Variants in ZNF804A observed in about 807,000 individuals in gnomAD.
ZNF804A encodes zinc finger protein 804A.
In ZNF804A, 2 loss-of-function variants were observed where a neutral mutation model predicts 16.5. The ratio of observed to expected loss-of-function variants is 0.12; its 90% confidence interval spans 0.05 to 0.38. ZNF804A has a LOEUF of 0.38. ZNF804A is among the 10% of genes least tolerant of loss of function. ZNF804A has a pLI of 0.99. For missense variants in ZNF804A, 1,473 were observed against 1,390.7 expected, an observed-to-expected ratio of 1.06 and a Z score of -0.94; for synonymous variants, 534 against 489.6, an observed-to-expected ratio of 1.09 and a Z score of -1.20.
In ZNF804A at chr2:184,603,790, T is replaced by C. The variant is rs148145629; in HGVS notation, c.111+4720T>C. On this transcript the variant is annotated intron_variant, in intron 1 of 3. Coordinates refer to ENST00000302277, the MANE Select transcript of ZNF804A (RefSeq NM_194250.2). ...CAATTATATATTCTTCCAAATTTCATTTAAACTCTTATATATTCAATATTA... is the reference window on the plus strand; with the variant it reads ...CAATTATATATTCTTCCAAATTTCACTTAAACTCTTATATATTCAATATTA... 3.8e-3 allele frequency among the ~76,000 whole-genome samples: 580 copies of C among 152,318 alleles called. 3 individuals carry two copies. Among genetic ancestry groups the C allele is most frequent in the African/African-American group, 0.013 (554 of 41,562 alleles).
chr2:184,815,387 G>GA (rs768244707), intron 1 of ZNF804A, among the ~76,000 whole-genome samples: 5 of 151,774 alleles, frequency 3.3e-5, no homozygotes, highest in Non-Finnish European at 4.4e-5. Flanking sequence ...GACTTCATGA[G>GA]AAAAAATAAA....
chr2:184,872,976 G>A (rs925541226), intron 2 of ZNF804A, among the ~76,000 whole-genome samples: 10 of 152,270 alleles, frequency 6.6e-5, no homozygotes, highest in South Asian at 6.2e-4. Context: ...GGAGCAGAAA[G>A]CAGGTCAATA....
At chr2:184,720,683 C>G (rs1451641152) in intron 1 of ZNF804A, among the ~76,000 whole-genome samples, 3 of 151,962 alleles carry the variant, frequency 2.0e-5, no homozygotes, top group African/African-American at 7.2e-5. Context: ...CGATACTACC[C>G]AAAGCAATAT....
At chr2:184,804,284 AG>A (rs1332980235) in intron 1 of ZNF804A, among the ~76,000 whole-genome samples, 2 of 152,152 alleles carry the variant, frequency 1.3e-5, no homozygotes, top group African/African-American at 4.8e-5. Context: ...TTGCCAAACA[AG>A]GTGACATTCA....
At chr2:184,639,894 C>T (rs1362567344) in intron 1 of ZNF804A, among the ~76,000 whole-genome samples, 3 of 151,972 alleles carry the variant, frequency 2.0e-5, no homozygotes, top group Non-Finnish European at 2.9e-5. Flanking sequence ...CCCAGTTACT[C>T]GGGAGACTGA....
chr2:184,639,788 G>T (rs989807998), intron 1 of ZNF804A, among the ~76,000 whole-genome samples: 14 of 152,154 alleles, frequency 9.2e-5, no homozygotes, highest in African/African-American at 3.1e-4. Context: ...GGATCACGAG[G>T]TCAGGAGATT....
intron 1 of ZNF804A, among the ~76,000 whole-genome samples, chr2:184,717,786 A>G (rs552382253): frequency 2.9e-4 from 44 of 152,302 alleles, no homozygotes; most frequent in Admixed American, 1.0e-3. Context: ...TAGTGTGTCT[A>G]TCACTTCAAG....
At chr2:184,678,922 A>G (rs1692485782) in intron 1 of ZNF804A, among the ~76,000 whole-genome samples, 1 of 152,220 alleles carries the variant, frequency 6.6e-6, no homozygotes, top group African/African-American at 2.4e-5. Flanking sequence ...AAGTACAGAG[A>G]TATGATAAAC....
chr2:184,814,698 G>C (rs1694952999), intron 1 of ZNF804A, among the ~76,000 whole-genome samples: 1 of 151,960 alleles, frequency 6.6e-6, no homozygotes, highest in South Asian at 2.1e-4. Flanking sequence ...AACCTGAGTA[G>C]ATTTTCCTGA....
chr2:184,803,712 A>T (rs1233906843), intron 1 of ZNF804A, among the ~76,000 whole-genome samples: 1 of 152,134 alleles, frequency 6.6e-6, no homozygotes, highest in African/African-American at 2.4e-5. Flanking sequence ...TCATACTTCA[A>T]CAAAGGTCTA....
chr2:184,635,884 A>T (rs981886382), intron 1 of ZNF804A, among the ~76,000 whole-genome samples: 2 of 152,182 alleles, frequency 1.3e-5, no homozygotes, highest in African/African-American at 4.8e-5. Flanking sequence ...ACCAAGAAAG[A>T]TTGTTAATTT....
intron 1 of ZNF804A, among the ~76,000 whole-genome samples, chr2:184,860,883 T>C (rs1443536006): frequency 6.6e-6 from 1 of 151,880 alleles, no homozygotes; most frequent in Non-Finnish European, 1.5e-5. Flanking sequence ...CATTCAGGAG[T>C]CTTGGGTCTC....
chr2:184,735,865 T>C (rs554138162), intron 1 of ZNF804A, among the ~76,000 whole-genome samples: 1 of 152,254 alleles, frequency 6.6e-6, no homozygotes, highest in African/African-American at 2.4e-5. Context: ...TTGTGGGAAA[T>C]GGTGAAGCAA....
intron 1 of ZNF804A, among the ~76,000 whole-genome samples, chr2:184,643,750 A>G (rs923808306): frequency 2.6e-5 from 4 of 151,372 alleles, no homozygotes; most frequent in African/African-American, 4.8e-5. Flanking sequence ...AGACATGTAT[A>G]AATATATATA....
chr2:184,912,775 C>A (rs1299397928), intron 2 of ZNF804A, among the ~76,000 whole-genome samples: 1 of 151,994 alleles, frequency 6.6e-6, no homozygotes, highest in African/African-American at 2.4e-5. Context: ...CTATTTAAGT[C>A]TTTTGCCTAC....
intron 1 of ZNF804A, among the ~76,000 whole-genome samples, chr2:184,680,292 G>A (rs547106116): frequency 3.3e-5 from 5 of 152,100 alleles, no homozygotes; most frequent in African/African-American, 1.2e-4. Flanking sequence ...ATGTGGGGAG[G>A]ACTTGCCTAT....
intron 1 of ZNF804A, among the ~76,000 whole-genome samples, chr2:184,748,004 A>G (rs991938283): frequency 6.6e-6 from 1 of 150,500 alleles, no homozygotes; most frequent in Non-Finnish European, 1.5e-5. Context: ...CTCCATATGT[A>G]TATGTAACAC....
chr2:184,858,151 G>A (rs1284634424), intron 1 of ZNF804A, among the ~76,000 whole-genome samples: 1 of 151,352 alleles, frequency 6.6e-6, no homozygotes, highest in African/African-American at 2.4e-5. Flanking sequence ...TTGCTTTGTG[G>A]TTACTGTAAA....
rs977321155 is a variant in ZNF804A, at chr2:184,796,941, AT to A, written c.112-69421del. Among the ~76,000 whole-genome samples, 4 of 151,950 alleles carry A rather than the reference AT, an allele frequency of 2.6e-5. No individual in the cohort carries two copies. In the East Asian group the frequency reaches 5.8e-4, roughly 22 times the overall value. ...TCCATATACTTCCATGGTTTTGAAT[AT>A]TTTTTTGAGGGGTTGATTTCCAGCT... On this transcript the variant is annotated intron_variant, in intron 1 of 3. Coordinates refer to ENST00000302277, the MANE Select transcript of ZNF804A (RefSeq NM_194250.2).
Sources: gnomAD v4.1 joint callset for allele counts (sites outside exome capture counted in the v4.1 genomes callset) on GRCh38, gnomAD v4.1.1 for gene constraint, MANE v1.5 for transcripts, NCBI Gene and HGNC (gene_info 2026-07-23, HGNC 2026-07-21) for gene names.